Variants in TESC observed in about 807,000 individuals in gnomAD.
The protein encoded by TESC is calcineurin B homologous protein 3.
TESC carries 19 observed loss-of-function variants against 31.0 expected under a neutral mutation model. The ratio of observed to expected loss-of-function variants is 0.61; its 90% confidence interval spans 0.43 to 0.90. TESC has a LOEUF of 0.90. Among genes scored for constraint, TESC ranks in the 40% least tolerant of loss-of-function variants. The pLI, the probability that TESC is intolerant of heterozygous loss-of-function variation, is 0.00. For missense variants in TESC, 248 were observed against 303.8 expected, an observed-to-expected ratio of 0.82 and a Z score of 1.36; for synonymous variants, 109 against 114.8, an observed-to-expected ratio of 0.95 and a Z score of 0.32.
intron 2 of TESC, among the ~76,000 whole-genome samples, chr12:117,066,692 C>T (rs960850772): frequency 6.5e-4 from 99 of 152,074 alleles, no homozygotes; most frequent in Non-Finnish European, 1.2e-4. Context: ...CATGTTATAG[C>T]ATGAACTGGC....
intron 6 of TESC, among the ~76,000 whole-genome samples, chr12:117,043,484 T>C (rs1013581142): frequency 6.6e-6 from 1 of 151,590 alleles, no homozygotes; most frequent in Admixed American, 6.6e-5. Context: ...TGAGACAGAG[T>C]CTCGCTCTGT....
At chr12:117,079,926 T>G (rs1593018948) in intron 1 of TESC, among the ~76,000 whole-genome samples, 1 of 152,176 alleles carries the variant, frequency 6.6e-6, no homozygotes, top group African/African-American at 2.4e-5. Context: ...ATAAATTACA[T>G]GCATAATCAT....
At chr12:117,066,555 T>C (rs894040385) in intron 2 of TESC, among the ~76,000 whole-genome samples, 1 of 151,920 alleles carries the variant, frequency 6.6e-6, no homozygotes, top group African/African-American at 2.4e-5. Flanking sequence ...GTATTTTTAG[T>C]AGAAATTCAC....
intron 1 of TESC, among the ~76,000 whole-genome samples, chr12:117,075,913 A>ATATATATATATATATATATATATG (rs1265957613): frequency 1.9e-5 from 1 of 51,962 alleles, no homozygotes; most frequent in Non-Finnish European, 3.3e-5. Flanking sequence ...ATATATATAT[A>ATATATATATATATATATATATATG]TGTGTGTGTG....
intron 3 of TESC, among the ~76,000 whole-genome samples, chr12:117,052,777 C>G (rs1375134367): frequency 6.6e-6 from 1 of 151,478 alleles, no homozygotes; most frequent in Non-Finnish European, 1.5e-5. Flanking sequence ...CCCCCAGGCT[C>G]ACACCTCTAG....
At chr12:117,097,596 G>C (rs1955412594) in intron 1 of TESC, among the ~76,000 whole-genome samples, 1 of 152,194 alleles carries the variant, frequency 6.6e-6, no homozygotes, top group African/African-American at 2.4e-5. Flanking sequence ...GTAAGAGCTA[G>C]AGGAATCCCT....
At chr12:117,083,211 C>T (rs1214571454) in intron 1 of TESC, among the ~76,000 whole-genome samples, 4 of 152,122 alleles carry the variant, frequency 2.6e-5, no homozygotes, top group East Asian at 1.9e-4. Flanking sequence ...TCAGCCTCCC[C>T]GCACTGGGTG....
At chr12:117,042,961 G>C (rs1007500584) in intron 6 of TESC, among the ~76,000 whole-genome samples, 6 of 152,220 alleles carry the variant, frequency 3.9e-5, no homozygotes, top group African/African-American at 1.4e-4. Flanking sequence ...AATTGAAAAA[G>C]CTGCAACCTC....
chr12:117,075,487 C>T (rs920124582), intron 1 of TESC, 147 bp from the exon 2 acceptor site: 4 of 780,822 alleles, frequency 5.1e-6, no homozygotes, highest in Non-Finnish European at 8.1e-6. Context: ...AAGCGAGTGC[C>T]GGGTGAAGCA....
At chr12:117,060,894 G>T (rs1222268526) in intron 2 of TESC, among the ~76,000 whole-genome samples, 3 of 152,238 alleles carry the variant, frequency 2.0e-5, no homozygotes, top group African/African-American at 7.2e-5. Flanking sequence ...TGGCTGCTAT[G>T]CTGCTAGCCA....
chr12:117,075,867 ATATG>A (rs1307416592), intron 1 of TESC, among the ~76,000 whole-genome samples: 27 of 30,102 alleles, frequency 9.0e-4, no homozygotes, highest in Non-Finnish European at 1.5e-3. Context: ...ATATATATAT[ATATG>A]TGTGTATATA....
chr12:117,051,355 TG>T (rs1954644888), intron 3 of TESC, among the ~76,000 whole-genome samples: 2 of 152,060 alleles, frequency 1.3e-5, no homozygotes, highest in Admixed American at 6.6e-5. Context: ...CAGGGAGAGG[TG>T]GGGTCCCAAG....
At chr12:117,089,377 G>A (rs1955273414) in intron 1 of TESC, among the ~76,000 whole-genome samples, 1 of 152,090 alleles carries the variant, frequency 6.6e-6, no homozygotes, top group Admixed American at 6.6e-5. Flanking sequence ...GGGGAGTTGG[G>A]AAAAAGCCCA....
Position 117,075,907 on chromosome 12 carries a change from A to ATGTGTG in TESC, c.59-568_59-567insCACACA, listed in dbSNP as rs1339057864. On this transcript the variant is annotated intron_variant, in intron 1 of 7. Coordinates refer to ENST00000335209, the MANE Select transcript of TESC (RefSeq NM_017899.4). The stretch of plus-strand genomic sequence containing the variant: ...TATATATATATATATATATATATAT[A>ATGTGTG]TATATATGTGTGTGTGTATATATAT... Among the ~76,000 whole-genome samples the ATGTGTG allele has an allele frequency of 6.4e-4, 42 of 65,154 alleles. 1 individual carries two copies. The highest frequency in any genetic ancestry group is 5.3e-3 in the East Asian group (13 of 2,446). 42.7% of individuals were successfully genotyped at this position (65,154 alleles called of 152,430 possible). A position where few individuals can be genotyped will look rare whatever the true frequency, so the allele number is the denominator to read the frequency against.
intron 2 of TESC, among the ~76,000 whole-genome samples, chr12:117,059,933 G>C (rs1161611928): frequency 6.6e-6 from 1 of 152,130 alleles, no homozygotes; most frequent in Non-Finnish European, 1.5e-5. Context: ...GGATATACCT[G>C]GAAGACATGA....
chr12:117,046,449 A>G, intron 6 of TESC, 110 bp downstream of exon 6: 1 of 1,064,340 alleles, frequency 9.4e-7, no homozygotes, highest in East Asian at 2.6e-5. Flanking sequence ...GGCCACAGGT[A>G]GAGCAGGTGG....
chr12:117,088,679 T>C (rs1409521506), intron 1 of TESC, among the ~76,000 whole-genome samples: 10 of 69,104 alleles, frequency 1.4e-4, no homozygotes, highest in Non-Finnish European at 8.1e-5. Flanking sequence ...AGACTCTGTC[T>C]CAAAAAAAAA....
At chr12:117,097,144 C>T (rs1309036225) in intron 1 of TESC, among the ~76,000 whole-genome samples, 2 of 152,220 alleles carry the variant, frequency 1.3e-5, no homozygotes, top group African/African-American at 2.4e-5. Flanking sequence ...GACCGAATTA[C>T]GCAGTCCCTT....
chr12:117,060,226 T>C (rs1379646710), intron 2 of TESC, among the ~76,000 whole-genome samples: 1 of 152,192 alleles, frequency 6.6e-6, no homozygotes, highest in Non-Finnish European at 1.5e-5. Flanking sequence ...GCTACTGCAC[T>C]ATGACTCCAT....
Sources: allele counts gnomAD v4.1 joint callset (sites outside exome capture counted in the v4.1 genomes callset), GRCh38; gene constraint gnomAD v4.1.1; transcripts MANE v1.5; gene names NCBI Gene and HGNC (gene_info 2026-07-23, HGNC 2026-07-21).